The following KCTD16 variants were observed in gnomAD, a reference collection of about 807,000 sequenced individuals.
The protein encoded by KCTD16 is potassium channel tetramerization domain containing 16, also known as BTB/POZ domain-containing protein KCTD16.
In KCTD16, 13 loss-of-function variants were observed where a neutral mutation model predicts 33.2. The ratio of observed to expected loss-of-function variants is 0.39; its 90% confidence interval spans 0.25 to 0.62. The LOEUF is 0.62. Ranked by LOEUF, KCTD16 falls within the 20% of genes least tolerant of loss-of-function variation. KCTD16 has a pLI of 0.50. For synonymous variants in KCTD16, 197 were observed against 195.3 expected (o/e 1.01, Z -0.07); for missense variants, 441 against 525.1 (o/e 0.84, Z 1.57).
chr5:144,203,130 AC>A (rs1039726086), intron 2 of KCTD16, among the ~76,000 whole-genome samples: 12 of 152,166 alleles, frequency 7.9e-5, no homozygotes, highest in African/African-American at 2.9e-4. Flanking sequence ...CTCAAAAGTA[AC>A]CTAACCTATA....
intron 3 of KCTD16, among the ~76,000 whole-genome samples, chr5:144,227,848 A>T (rs780181081): frequency 1.3e-5 from 2 of 152,218 alleles, no homozygotes; most frequent in African/African-American, 2.4e-5. Context: ...GTATGAGCAA[A>T]AGAACAGTGT....
intron 3 of KCTD16, among the ~76,000 whole-genome samples, chr5:144,311,392 G>A (rs1013232913): frequency 2.0e-5 from 3 of 152,164 alleles, no homozygotes; most frequent in Non-Finnish European, 2.9e-5. Flanking sequence ...CTCAGTGAAA[G>A]GATAATTATT....
chr5:144,215,016 T>C (rs1373591951), intron 3 of KCTD16, among the ~76,000 whole-genome samples: 1 of 152,198 alleles, frequency 6.6e-6, no homozygotes, highest in Non-Finnish European at 1.5e-5. Context: ...AATATACTAT[T>C]GTATTGTCTC....
Position 144,478,317 on chromosome 5 carries a change from C to T in KCTD16, c.*4203C>T, listed in dbSNP as rs769725154. The stretch of plus-strand genomic sequence containing the variant: ...TTGCCTTCATCATTCTGGTTTCAGA[C>T]GAAATGGTTATTGCTCTCTACCCCT... On this transcript the variant is annotated 3_prime_UTR_variant, in exon 4 of 4. Transcript: ENST00000512467. 3.9e-5 allele frequency: 6 copies of T among 151,950 alleles called. No individual in the cohort carries two copies. The highest frequency in any genetic ancestry group is 1.9e-4 in the East Asian group (1 of 5,182). 9.4% of individuals were successfully genotyped at this position (151,950 alleles called of 1,614,324 possible). A position where few individuals can be genotyped will look rare whatever the true frequency, so the allele number is the denominator to read the frequency against.
At chr5:144,208,450 A>C (rs1424432518) in intron 3 of KCTD16, among the ~76,000 whole-genome samples, 1 of 152,238 alleles carries the variant, frequency 6.6e-6, no homozygotes, top group Non-Finnish European at 1.5e-5. Flanking sequence ...CCCTGAAAGG[A>C]AAAGAGTAAA....
chr5:144,394,424 A>G (rs1047705252), intron 3 of KCTD16, among the ~76,000 whole-genome samples: 2 of 152,212 alleles, frequency 1.3e-5, no homozygotes, highest in Non-Finnish European at 2.9e-5. Context: ...GATAAGTGGT[A>G]TTGGCAACAC....
intron 3 of KCTD16, among the ~76,000 whole-genome samples, chr5:144,423,863 A>G (rs1010795242): frequency 6.6e-6 from 1 of 152,154 alleles, no homozygotes; most frequent in African/African-American, 2.4e-5. Context: ...TGTCTTCCCT[A>G]GGCCACATTG....
chr5:144,358,074 G>A (rs548584099), intron 3 of KCTD16, among the ~76,000 whole-genome samples: 9 of 150,414 alleles, frequency 6.0e-5, no homozygotes, highest in African/African-American at 2.0e-4. Flanking sequence ...CAGGCATATG[G>A]CACCACACCC....
intron 3 of KCTD16, among the ~76,000 whole-genome samples, chr5:144,393,537 T>A (rs1388815731): frequency 6.6e-6 from 1 of 152,112 alleles, no homozygotes; most frequent in Non-Finnish European, 1.5e-5. Flanking sequence ...TTTTATGTGG[T>A]AATACAGTGT....
intron 3 of KCTD16, among the ~76,000 whole-genome samples, chr5:144,366,320 A>G (rs1282249913): frequency 6.6e-6 from 1 of 152,176 alleles, no homozygotes; most frequent in Non-Finnish European, 1.5e-5. Flanking sequence ...TGATCTGTGG[A>G]TCCCAAAGAG....
At chr5:144,235,447 T>C (rs1754224937) in intron 3 of KCTD16, among the ~76,000 whole-genome samples, 2 of 152,102 alleles carry the variant, frequency 1.3e-5, no homozygotes, top group Non-Finnish European at 2.9e-5. Context: ...TTGACTGAGA[T>C]CAAATCTTCA....
chr5:144,300,198 TATAG>T (rs1290993386), intron 3 of KCTD16, among the ~76,000 whole-genome samples: 1 of 152,200 alleles, frequency 6.6e-6, no homozygotes, highest in African/African-American at 2.4e-5. Context: ...TCAAAAGAGA[TATAG>T]ACGTATTCAG....
intron 3 of KCTD16, among the ~76,000 whole-genome samples, chr5:144,259,001 G>C (rs1417657244): frequency 6.6e-6 from 1 of 152,150 alleles, no homozygotes; most frequent in Non-Finnish European, 1.5e-5. Context: ...GCTCACGCCT[G>C]TAATACCAGC....
At chr5:144,290,377 T>C (rs577062511) in intron 3 of KCTD16, among the ~76,000 whole-genome samples, 12 of 152,314 alleles carry the variant, frequency 7.9e-5, no homozygotes, top group African/African-American at 2.9e-4. Context: ...ATTCTCCGAA[T>C]GGACTGAAGT....
intron 3 of KCTD16, among the ~76,000 whole-genome samples, chr5:144,340,059 C>A (rs1752588351): frequency 6.6e-6 from 1 of 152,120 alleles, no homozygotes; most frequent in Non-Finnish European, 1.5e-5. Flanking sequence ...CCATTCCATT[C>A]TATCCAGTGA....
intron 3 of KCTD16, among the ~76,000 whole-genome samples, chr5:144,465,779 C>CTTTTTTTTTTTTTTTTT (rs780109122): frequency 1.5e-5 from 2 of 129,878 alleles, no homozygotes; most frequent in African/African-American, 2.9e-5. Flanking sequence ...CCAAATTTAA[C>CTTTTTTTTTTTTTTTTT]TTTTTTGTTT....
chr5:144,410,524 A>G (rs1048692730), intron 3 of KCTD16, among the ~76,000 whole-genome samples: 23 of 152,108 alleles, frequency 1.5e-4, no homozygotes, highest in African/African-American at 5.3e-4. Context: ...ACTAGATTGT[A>G]CAGTGGATTT....
intron 3 of KCTD16, among the ~76,000 whole-genome samples, chr5:144,418,347 G>C (rs532795016): frequency 2.6e-5 from 4 of 152,070 alleles, no homozygotes; most frequent in Non-Finnish European, 5.9e-5. Context: ...CCTGCTGATT[G>C]GTCCATTTTA....
At chr5:144,405,164 C>A (rs1213097484) in intron 3 of KCTD16, among the ~76,000 whole-genome samples, 1 of 152,172 alleles carries the variant, frequency 6.6e-6, no homozygotes. Flanking sequence ...CTTTCTAACT[C>A]CAAAGGCTAA....
Sources: allele counts gnomAD v4.1 joint callset (sites outside exome capture counted in the v4.1 genomes callset), GRCh38; gene constraint gnomAD v4.1.1; transcripts MANE v1.5; gene names NCBI Gene and HGNC (gene_info 2026-07-23, HGNC 2026-07-21).